LDLRAP1: variants seen among roughly 807,000 people sequenced by gnomAD.
LDLRAP1 encodes the protein low density lipoprotein receptor adaptor protein 1, also known as low density lipoprotein receptor adapter protein 1.
LDLRAP1 carries 30 observed loss-of-function variants against 37.8 expected under a neutral mutation model. The observed-to-expected ratio is 0.79, with a 90% CI of 0.59 to 1.08. LDLRAP1 has a LOEUF of 1.08. LDLRAP1 is among the 50% of genes least tolerant of loss of function. The pLI, the probability that LDLRAP1 is intolerant of heterozygous loss-of-function variation, is 0.00. For missense variants in LDLRAP1, 375 were observed against 401.6 expected, an observed-to-expected ratio of 0.93 and a Z score of 0.57; for synonymous variants, 156 against 169.8, an observed-to-expected ratio of 0.92 and a Z score of 0.63.
At chr1:25,571,225 G>A (rs961981798), downstream of LDLRAP1, among the ~76,000 whole-genome samples, 3 of 152,254 alleles carry the variant, frequency 2.0e-5, no homozygotes, top group African/African-American at 7.2e-5. Context: ...CACAGGCAGA[G>A]GCTGACTTCC....
chr1:25,547,821 A>G (rs1384436634), intron 1 of LDLRAP1, among the ~76,000 whole-genome samples: 1 of 152,208 alleles, frequency 6.6e-6, no homozygotes, highest in Non-Finnish European at 1.5e-5. Flanking sequence ...GTGACTCGGT[A>G]CACACCGGTG....
intron 8 of LDLRAP1, among the ~76,000 whole-genome samples, chr1:25,566,004 C>T (rs2044469087): frequency 6.6e-6 from 1 of 152,176 alleles, no homozygotes; most frequent in African/African-American, 2.4e-5. Flanking sequence ...AGTGGAAACC[C>T]CTTGGTCCAG....
At position 25,543,848 on chromosome 1, in the gene LDLRAP1, C is replaced by T. The variant is rs1572014450; in HGVS notation, c.88+62C>T. On this transcript the variant is annotated intron_variant, in intron 1 of 8. Transcript: ENST00000374338. ...CGGGCAGAGGCGCGCGGGGCCTCCG[C>T]GGGCGCCCGGAGTGCGGCCAAGTTG... is the stretch of plus-strand genomic sequence containing the variant. The T allele has an allele frequency of 4.5e-6, 5 of 1,102,060 alleles. No homozygotes were observed. In the East Asian group the frequency reaches 1.8e-4, roughly 41 times the overall value. The allele number at this position is 1,102,060 out of a possible 1,614,324, so 68.3% of individuals were successfully genotyped here.
At chr1:25,565,087 A>G in intron 7 of LDLRAP1, 86 bp from the exon 8 acceptor site, 1 of 1,458,910 alleles carries the variant, frequency 6.9e-7, no homozygotes, top group Non-Finnish European at 9.6e-7. Context: ...GAGTCCCTGT[A>G]GCTTACCCAG....
chr1:25,576,919 A>C, the LDLRAP1 span, among the ~76,000 whole-genome samples: 11 of 152,212 alleles, frequency 7.2e-5, no homozygotes, highest in African/African-American at 2.4e-4. Context: ...CCTGAGACAC[A>C]GACCCAAGGA....
downstream of LDLRAP1, among the ~76,000 whole-genome samples, chr1:25,571,296 T>C (rs754386118): frequency 1.3e-5 from 2 of 152,202 alleles, no homozygotes; most frequent in Non-Finnish European, 2.9e-5. Flanking sequence ...GGGCCACTTC[T>C]CTGGACATGC....
At chr1:25,566,545 C>A (rs1031587872) in intron 8 of LDLRAP1, among the ~76,000 whole-genome samples, 3 of 151,936 alleles carry the variant, frequency 2.0e-5, no homozygotes, top group African/African-American at 7.2e-5. Context: ...CCCCCACCCC[C>A]GCTGCTCCCT....
At chr1:25,558,213 G>A (rs541136452) in intron 4 of LDLRAP1, among the ~76,000 whole-genome samples, 39 of 152,272 alleles carry the variant, frequency 2.6e-4, no homozygotes, top group African/African-American at 9.1e-4. Context: ...CATTGATGTA[G>A]CATTGACACC....
At chr1:25,578,313 A>C in the LDLRAP1 span, among the ~76,000 whole-genome samples, 1 of 152,188 alleles carries the variant, frequency 6.6e-6, no homozygotes, top group Non-Finnish European at 1.5e-5. Context: ...AGCCCTCCAG[A>C]GAGGGTTTGT....
the LDLRAP1 span, among the ~76,000 whole-genome samples, chr1:25,582,979 G>C: frequency 2.0e-5 from 3 of 151,702 alleles, no homozygotes; most frequent in Admixed American, 1.3e-4. Flanking sequence ...TGCTGAGGCA[G>C]GAGAATCACT....
Position 25,566,875 on chromosome 1 carries a change from GGTCCTGGACACT to G in LDLRAP1, c.812_823del (p.Val271_Thr274del). The G allele has an allele frequency of 6.2e-7, 1 of 1,612,312 alleles. No homozygotes were observed. On this transcript the variant is annotated inframe_deletion, in exon 9 of 9. Coordinates refer to ENST00000374338, the MANE Select transcript of LDLRAP1 (RefSeq NM_015627.3). ...TTGCCCAGTCTCGGACAAACCCTCA[GGTCCTGGACACT>G]GGCCTGACAGCCCAGGACATGCATT... is the stretch of plus-strand genomic sequence containing the variant.
chr1:25,571,512 A>C (rs539289831), downstream of LDLRAP1, among the ~76,000 whole-genome samples: 1 of 152,236 alleles, frequency 6.6e-6, no homozygotes, highest in African/African-American at 2.4e-5. Flanking sequence ...CACACGTACC[A>C]GCTAGTTTAA....
chr1:25,556,563 C>A (rs1171585721), intron 3 of LDLRAP1, among the ~76,000 whole-genome samples: 1 of 152,114 alleles, frequency 6.6e-6, no homozygotes, highest in Admixed American at 6.5e-5. Flanking sequence ...TGGGCAGGGG[C>A]ATGGATCGGA....
intron 4 of LDLRAP1, among the ~76,000 whole-genome samples, chr1:25,558,335 A>T (rs925733545): frequency 1.2e-4 from 18 of 152,144 alleles, no homozygotes; most frequent in African/African-American, 4.3e-4. Context: ...TGTCAGGTAC[A>T]TCACAGTCTT....
At position 25,566,878 on chromosome 1, in the gene LDLRAP1, C is replaced by T. The variant is rs2044496752; in HGVS notation, c.813C>T (p.Val271=). The change falls in exon 9 of 9, where the codon GTC becomes GTT. Residue 271 remains valine (V), a synonymous_variant. Transcript: ENST00000374338. Reference sequence around the variant, plus strand: ...CCCAGTCTCGGACAAACCCTCAGGTCCTGGACACTGGCCTGACAGCCCAGG... The same window carrying T: ...CCCAGTCTCGGACAAACCCTCAGGTTCTGGACACTGGCCTGACAGCCCAGG... ...RLAQSRTNPQ[V]LDTGLTAQDM... 1 of 1,612,330 alleles carries T rather than the reference C, an allele frequency of 6.2e-7. No homozygotes were observed. The highest frequency in any genetic ancestry group is 1.3e-5 in the African/African-American group (1 of 74,912).
chr1:25,564,261 A>G (rs2044421391), intron 7 of LDLRAP1: 1 of 173,556 alleles, frequency 5.8e-6, no homozygotes, highest in Non-Finnish European at 1.2e-5. Flanking sequence ...ACCTCTGCCA[A>G]CGGAATCTCC....
intron 1 of LDLRAP1, among the ~76,000 whole-genome samples, chr1:25,545,830 G>A (rs2043921591): frequency 6.6e-6 from 1 of 152,202 alleles, no homozygotes. Context: ...GCATAGAGGA[G>A]GAGTTTGGTA....
chr1:25,585,695 G>A, the LDLRAP1 span, among the ~76,000 whole-genome samples: 1 of 152,124 alleles, frequency 6.6e-6, no homozygotes, highest in Non-Finnish European at 1.5e-5. Flanking sequence ...CCTGTGCTCC[G>A]ACATCCCAGC....
In LDLRAP1 at chr1:25,544,912, C is replaced by T. The variant is rs1202088713; in HGVS notation, c.88+1126C>T. On this transcript the variant is annotated intron_variant, in intron 1 of 8. Transcript: ENST00000374338. The surrounding 1 kb of genome is among the most constrained non-coding windows in gnomAD (Gnocchi z 4.8). ...GCCAGGGGAGCCCGAGCTCCCTGGTCCAAGGAGTGCCAGCGTGTCTGGGCC... is the reference window on the plus strand; with the variant it reads ...GCCAGGGGAGCCCGAGCTCCCTGGTTCAAGGAGTGCCAGCGTGTCTGGGCC... Among the ~76,000 whole-genome samples, 1 of 152,238 alleles carries T rather than the reference C, an allele frequency of 6.6e-6. No individual in the cohort carries two copies. Among genetic ancestry groups the T allele is most frequent in the Non-Finnish European group, 1.5e-5 (1 of 68,028 alleles).
Sources: allele counts gnomAD v4.1 joint callset (sites outside exome capture counted in the v4.1 genomes callset), GRCh38; gene constraint gnomAD v4.1.1; non-coding constraint Gnocchi (gnomAD v3.1); transcripts MANE v1.5; gene names NCBI Gene and HGNC (gene_info 2026-07-23, HGNC 2026-07-21).